PIAS1: variants seen among roughly 807,000 people sequenced by gnomAD.
PIAS1 encodes the protein protein inhibitor of activated STAT 1, also known as E3 SUMO-protein ligase PIAS1.
PIAS1 carries 6 observed loss-of-function variants against 71.3 expected under a neutral mutation model. The observed-to-expected ratio is 0.08, with a 90% confidence interval of 0.05 to 0.17. The LOEUF (loss-of-function observed/expected upper bound fraction) is 0.17. PIAS1 is among the 10% of genes least tolerant of loss of function. The pLI, the probability that PIAS1 is intolerant of heterozygous loss-of-function variation, is 1.00. For missense variants in PIAS1, 555 were observed against 793.6 expected (o/e 0.70, Z 3.61); for synonymous variants, 303 against 292.9 (o/e 1.03, Z -0.35).
At position 68,176,606 on chromosome 15, in the gene PIAS1, A is replaced by C; in HGVS notation, c.1433A>C (p.Lys478Thr). 6.2e-7 allele frequency: 1 copy of C among 1,612,584 alleles called. No homozygotes were observed. The highest frequency in any genetic ancestry group is 8.5e-7 in the Non-Finnish European group (1 of 1,179,246). ...GAAGAGGAAGAAGAGCCATCTGCCA[A>C]GAGGACCTGTCCTTCCCTATCTCCC... ...SDEEEEEPSA[K>T]RTCPSLSPTS... The change falls in exon 11 of 14, where the codon AAG becomes ACG. Residue 478 changes from lysine (K) to threonine (T), a missense_variant. This residue lies in a region of PIAS1 where 244 missense variants were observed against 307.5 expected (regional missense o/e 0.79). Transcript: ENST00000249636.
chr15:68,072,772 A>G (rs554786391), intron 1 of PIAS1, among the ~76,000 whole-genome samples: 37 of 152,200 alleles, frequency 2.4e-4, no homozygotes, highest in African/African-American at 6.7e-4. Context: ...CCCTTTTCAA[A>G]TTATTTACTC....
Position 68,168,486 on chromosome 15 carries a change from C to T in PIAS1, c.1008+3682C>T, listed in dbSNP as rs138229188. ...AGCACTATTATTGTAAAGTTAGTGG[C>T]GTTAGAAAACACATTTGGGAGTTAA... On this transcript the variant is annotated intron_variant, in intron 8 of 13. Transcript: ENST00000249636. Among the ~76,000 whole-genome samples the T allele has an allele frequency of 1.7e-3, 256 of 151,968 alleles. 2 individuals carry two copies. The highest frequency in any genetic ancestry group is 2.8e-3 in the Non-Finnish European group (190 of 67,982).
At chr15:68,119,509 A>C (rs2092596294) in intron 2 of PIAS1, among the ~76,000 whole-genome samples, 1 of 151,956 alleles carries the variant, frequency 6.6e-6, no homozygotes, top group Non-Finnish European at 1.5e-5. Flanking sequence ...TATTTAGTTT[A>C]ATTGAATTCT....
intron 1 of PIAS1, chr15:68,055,847 T>C: frequency 1.4e-6 from 1 of 694,482 alleles, no homozygotes; most frequent in Non-Finnish European, 2.6e-6. Flanking sequence ...CTGTGGAATA[T>C]CCTCACCGAA....
At chr15:68,131,816 G>T (rs1293304502) in intron 2 of PIAS1, among the ~76,000 whole-genome samples, 1 of 152,078 alleles carries the variant, frequency 6.6e-6, no homozygotes, top group Non-Finnish European at 1.5e-5. Context: ...CAATGAACAT[G>T]GGAGTGTAGA....
At position 68,171,152 on chromosome 15, in the gene PIAS1, A is replaced by G. The variant is rs1643682897; in HGVS notation, c.1009-2580A>G. On this transcript the variant is annotated intron_variant, in intron 8 of 13. Transcript: ENST00000249636. The surrounding 1 kb of genome is among the most constrained non-coding windows in gnomAD (Gnocchi z 4.4). ...CTTTTTTGTTAAAAACAAAGACACA[A>G]ACACACATTAGCCTAGGCCTGCACA... Among the ~76,000 whole-genome samples, 1 of 151,774 alleles carries G rather than the reference A, an allele frequency of 6.6e-6. No individual in the cohort carries two copies. The highest frequency in any genetic ancestry group is 1.5e-5 in the Non-Finnish European group (1 of 67,918).
intron 7 of PIAS1, among the ~76,000 whole-genome samples, chr15:68,156,133 C>T (rs1216436547): frequency 1.3e-5 from 2 of 152,166 alleles, no homozygotes; most frequent in Non-Finnish European, 2.9e-5. Context: ...GAGAATATAA[C>T]ATTAAACAAG....
chr15:68,076,074 G>T (rs773671163), intron 1 of PIAS1, among the ~76,000 whole-genome samples: 4 of 152,038 alleles, frequency 2.6e-5, no homozygotes, highest in Non-Finnish European at 5.9e-5. Flanking sequence ...GTGAGCCACC[G>T]CTCCTGGCCA....
At chr15:68,098,188 A>G (rs1441169438) in intron 2 of PIAS1, among the ~76,000 whole-genome samples, 3 of 152,154 alleles carry the variant, frequency 2.0e-5, no homozygotes. Flanking sequence ...AAACTTTACT[A>G]TAACCTATTG....
chr15:68,098,155 A>C (rs923510134), intron 2 of PIAS1, among the ~76,000 whole-genome samples: 1 of 152,220 alleles, frequency 6.6e-6, no homozygotes, highest in Non-Finnish European at 1.5e-5. Context: ...TCAAAAATTC[A>C]CATGTAACTT....
chr15:68,126,931 T>C (rs2092655303), intron 2 of PIAS1, among the ~76,000 whole-genome samples: 1 of 152,056 alleles, frequency 6.6e-6, no homozygotes, highest in South Asian at 2.1e-4. Flanking sequence ...TTTTGACTTA[T>C]TTTAATTAAT....
intron 1 of PIAS1, among the ~76,000 whole-genome samples, chr15:68,083,036 A>G (rs567677143): frequency 3.2e-4 from 49 of 152,280 alleles, no homozygotes; most frequent in African/African-American, 1.1e-3. Flanking sequence ...TGAGATCTCT[A>G]TCAATTGAGG....
At chr15:68,144,577 T>C (rs1044840323) in intron 4 of PIAS1, among the ~76,000 whole-genome samples, 1 of 152,172 alleles carries the variant, frequency 6.6e-6, no homozygotes, top group African/African-American at 2.4e-5. Flanking sequence ...AATTGATCAC[T>C]GCATTGGAAT....
At chr15:68,113,279 C>A (rs2092537943) in intron 2 of PIAS1, among the ~76,000 whole-genome samples, 1 of 152,110 alleles carries the variant, frequency 6.6e-6, no homozygotes, top group Non-Finnish European at 1.5e-5. Flanking sequence ...TTTTCAGCTG[C>A]TGTCAAGTAG....
chr15:68,078,712 T>C (rs546012635), intron 1 of PIAS1, among the ~76,000 whole-genome samples: 12 of 152,336 alleles, frequency 7.9e-5, no homozygotes, highest in African/African-American at 2.9e-4. Context: ...AGTTTTCTTA[T>C]CTATACAGTG....
At chr15:68,059,729 A>AG (rs2091937646) in intron 1 of PIAS1, among the ~76,000 whole-genome samples, 1 of 151,634 alleles carries the variant, frequency 6.6e-6, no homozygotes, top group Non-Finnish European at 1.5e-5. Flanking sequence ...AAAAAAAAAA[A>AG]AGAAAGCAAT....
At chr15:68,179,599 G>T (rs2093041734) in intron 11 of PIAS1, among the ~76,000 whole-genome samples, 1 of 25,034 alleles carries the variant, frequency 4.0e-5, no homozygotes, top group East Asian at 2.2e-3. Flanking sequence ...TTTTGAGACA[G>T]AGTTTCACTC....
intron 8 of PIAS1, among the ~76,000 whole-genome samples, chr15:68,166,724 A>G (rs981607636): frequency 6.6e-6 from 1 of 152,186 alleles, no homozygotes; most frequent in Non-Finnish European, 1.5e-5. Flanking sequence ...AGTAATATAA[A>G]TCTTTGAAGT....
At chr15:68,172,029 C>T (rs2092994511) in intron 8 of PIAS1, among the ~76,000 whole-genome samples, 1 of 152,090 alleles carries the variant, frequency 6.6e-6, no homozygotes, top group African/African-American at 2.4e-5. Context: ...TCATCATTTA[C>T]ATTAGGTATT....
Sources: allele counts gnomAD v4.1 joint callset (sites outside exome capture counted in the v4.1 genomes callset), GRCh38; gene constraint gnomAD v4.1.1; regional missense constraint gnomAD v4.1.1; non-coding constraint Gnocchi (gnomAD v3.1); transcripts MANE v1.5; gene names NCBI Gene and HGNC (gene_info 2026-07-23, HGNC 2026-07-21).